The following BTC variants were observed in gnomAD, a reference collection of about 807,000 sequenced individuals.
BTC encodes betacellulin, also known as probetacellulin.
Under a neutral mutation model 18.1 loss-of-function variants are expected in BTC, and 13 were observed. The ratio of observed to expected loss-of-function variants is 0.72; its 90% CI spans 0.47 to 1.14. The LOEUF (loss-of-function observed/expected upper bound fraction) is 1.14. BTC is among the 50% of genes most tolerant of loss of function. BTC has a pLI of 0.00. For synonymous variants in BTC, 83 were observed against 79.4 expected, an observed-to-expected ratio of 1.05 and a Z score of -0.24; for missense variants, 247 against 224.2, an observed-to-expected ratio of 1.10 and a Z score of -0.65.
intron 1 of BTC, among the ~76,000 whole-genome samples, chr4:74,790,766 CAACTG>C (rs1560727675): frequency 6.6e-6 from 1 of 152,162 alleles, no homozygotes; most frequent in Non-Finnish European, 1.5e-5. Flanking sequence ...TGACCAATAC[CAACTG>C]AACATTATTA....
intron 2 of BTC, among the ~76,000 whole-genome samples, chr4:74,766,961 C>T (rs1177301849): frequency 6.6e-6 from 1 of 151,910 alleles, no homozygotes; most frequent in Non-Finnish European, 1.5e-5. Flanking sequence ...CCTTAACTAA[C>T]ATGGTACTTA....
chr4:74,768,626 C>G (rs2109898288), intron 2 of BTC, among the ~76,000 whole-genome samples: 1 of 152,152 alleles, frequency 6.6e-6, no homozygotes, highest in East Asian at 1.9e-4. Context: ...TCAATGTGTA[C>G]AAAGTTTCAG....
rs537971081 is a variant in BTC, at chr4:74,764,611, ATG to A, written c.163+5445_163+5446del. On this transcript the variant is annotated intron_variant, in intron 2 of 5. Transcript: ENST00000395743. The stretch of plus-strand genomic sequence containing the variant: ...ATCAACCAATGAATGCATAAAGAAA[ATG>A]TGGTTTATATACACCATGAAATACT... Among the ~76,000 whole-genome samples, 34 of 152,328 alleles carry A rather than the reference ATG, an allele frequency of 2.2e-4. No individual in the cohort carries two copies. The East Asian group carries it at 6.4e-3, about 28-fold the overall frequency.
chr4:74,784,740 T>C (rs1725435313), intron 1 of BTC, among the ~76,000 whole-genome samples: 3 of 152,214 alleles, frequency 2.0e-5, no homozygotes, highest in African/African-American at 2.4e-5. Context: ...TTGATTTGCA[T>C]ATGTTGAACA....
chr4:74,768,149 T>C (rs539636927), intron 2 of BTC, among the ~76,000 whole-genome samples: 24 of 152,128 alleles, frequency 1.6e-4, no homozygotes, highest in Non-Finnish European at 3.4e-4. Context: ...TCCATTTTGA[T>C]GGGTAAATTA....
At chr4:74,783,804 TG>T (rs1725403148) in intron 1 of BTC, among the ~76,000 whole-genome samples, 1 of 152,092 alleles carries the variant, frequency 6.6e-6, no homozygotes, top group Non-Finnish European at 1.5e-5. Context: ...AGCAGTGGTT[TG>T]CAGTTCTCCC....
intron 2 of BTC, among the ~76,000 whole-genome samples, chr4:74,761,303 C>T (rs1724751135): frequency 6.6e-6 from 1 of 152,142 alleles, no homozygotes; most frequent in South Asian, 2.1e-4. Context: ...ATGGCTCATT[C>T]TCCTTTGCAG....
rs1350482634 is a variant in BTC, at chr4:74,749,680, T to A, written c.428+893A>T. Among the ~76,000 whole-genome samples, 37 of 96,798 alleles carry A rather than the reference T, an allele frequency of 3.8e-4. 1 individual carries two copies. The highest frequency in any genetic ancestry group is 1.1e-3 in the African/African-American group (22 of 20,066). 63.5% of individuals were successfully genotyped at this position (96,798 alleles called of 152,430 possible). A position where few individuals can be genotyped will look rare whatever the true frequency, so the allele number is the denominator to read the frequency against. The stretch of plus-strand genomic sequence containing the variant: ...AAAAGATACCACTTTAATAAGATAG[T>A]TTTTTTTGTTGTTGTTGTTGTTGTT... On this transcript the variant is annotated intron_variant, in intron 4 of 5. Coordinates refer to ENST00000395743, the MANE Select transcript of BTC (RefSeq NM_001729.4).
At chr4:74,753,150 T>G (rs1553956357) in intron 3 of BTC, among the ~76,000 whole-genome samples, 1 of 152,266 alleles carries the variant, frequency 6.6e-6, no homozygotes, top group South Asian at 2.1e-4. Context: ...ACTAAGTGGG[T>G]TTTTATTTAA....
At chr4:74,756,732 G>A (rs782426302) in intron 2 of BTC, among the ~76,000 whole-genome samples, 15 of 152,160 alleles carry the variant, frequency 9.9e-5, no homozygotes, top group Admixed American at 1.3e-4. Flanking sequence ...CCATGAATTC[G>A]TTCTGCTGCT....
At chr4:74,773,775 C>T (rs1026939598) in intron 1 of BTC, among the ~76,000 whole-genome samples, 1 of 151,978 alleles carries the variant, frequency 6.6e-6, no homozygotes, top group Non-Finnish European at 1.5e-5. Flanking sequence ...CCATGCCTGG[C>T]TAATTTTTGT....
intron 1 of BTC, among the ~76,000 whole-genome samples, chr4:74,774,783 T>C (rs1725134270): frequency 6.6e-6 from 1 of 152,132 alleles, no homozygotes; most frequent in Admixed American, 6.5e-5. Flanking sequence ...GTTATGCAGC[T>C]AAGTTGAGAC....
At chr4:74,779,691 T>A (rs897048165) in intron 1 of BTC, among the ~76,000 whole-genome samples, 5 of 152,064 alleles carry the variant, frequency 3.3e-5, no homozygotes, top group Admixed American at 1.3e-4. Context: ...CTCTGACCCA[T>A]GAGGAAACAG....
chr4:74,784,495 C>T (rs1384694036), intron 1 of BTC, among the ~76,000 whole-genome samples: 1 of 152,116 alleles, frequency 6.6e-6, no homozygotes, highest in East Asian at 1.9e-4. Flanking sequence ...GCATCCTTGT[C>T]TTTTGCTGCT....
intron 3 of BTC, among the ~76,000 whole-genome samples, chr4:74,753,083 C>T (rs1724506992): frequency 6.6e-6 from 1 of 152,128 alleles, no homozygotes; most frequent in Non-Finnish European, 1.5e-5. Flanking sequence ...GTGTATCTCT[C>T]ATGTAGGAGA....
chr4:74,752,455 T>G (rs1160122939), intron 3 of BTC, among the ~76,000 whole-genome samples: 2 of 150,586 alleles, frequency 1.3e-5, no homozygotes, highest in Non-Finnish European at 2.9e-5. Flanking sequence ...TTCGGTTCAC[T>G]GCAACCTCCG....
chr4:74,794,158 C>A (rs1725708118), intron 1 of BTC, 104 bp downstream of exon 1: 7 of 1,424,346 alleles, frequency 4.9e-6, no homozygotes, highest in Non-Finnish European at 5.7e-6. Flanking sequence ...CCAGCCCCAG[C>A]GCGCCCTCTT....
At chr4:74,781,709 T>G (rs1382751389) in intron 1 of BTC, among the ~76,000 whole-genome samples, 2 of 152,128 alleles carry the variant, frequency 1.3e-5, no homozygotes, top group African/African-American at 4.8e-5. Flanking sequence ...CACTTTTTTT[T>G]GTCATGGTAA....
At chr4:74,756,586 G>A (rs1008517686) in intron 2 of BTC, among the ~76,000 whole-genome samples, 2 of 152,204 alleles carry the variant, frequency 1.3e-5, no homozygotes, top group African/African-American at 4.8e-5. Flanking sequence ...CTGCCACTGA[G>A]TCCACGTTCT....
Sources: gnomAD v4.1 joint callset for allele counts (sites outside exome capture counted in the v4.1 genomes callset) on GRCh38, gnomAD v4.1.1 for gene constraint, MANE v1.5 for transcripts, NCBI Gene and HGNC (gene_info 2026-07-23, HGNC 2026-07-21) for gene names.